GLG1: variants seen among roughly 807,000 people sequenced by gnomAD.
GLG1 encodes Golgi apparatus protein 1.
In GLG1, 38 loss-of-function variants were observed where a neutral mutation model predicts 160.5. That is an observed-to-expected ratio of 0.24 (90% confidence interval 0.18 to 0.31). GLG1 has a LOEUF of 0.31. Among genes scored for constraint, GLG1 ranks in the 10% least tolerant of loss-of-function variants. The pLI is 1.00. For missense variants in GLG1, 1,373 were observed against 1,505.2 expected, an observed-to-expected ratio of 0.91 and a Z score of 1.45; for synonymous variants, 644 against 543.4, an observed-to-expected ratio of 1.19 and a Z score of -2.57.
chr16:74,551,341 G>C (rs192102880), intron 1 of GLG1, among the ~76,000 whole-genome samples: 1 of 152,074 alleles, frequency 6.6e-6, no homozygotes, highest in African/African-American at 2.4e-5. Context: ...GTCACCCAGG[G>C]TGGAGTGCAG....
chr16:74,542,716 G>GGAAGGAAGGGAGGGAGGAA (rs752290157), intron 1 of GLG1, among the ~76,000 whole-genome samples: 3 of 29,784 alleles, frequency 1.0e-4, no homozygotes, highest in African/African-American at 1.3e-4. Context: ...AAGGGAAGAA[G>GGAAGGAAGGGAGGGAGGAA]GGAAGGAAGG....
chr16:74,541,948 C>T (rs1449111737), intron 1 of GLG1, among the ~76,000 whole-genome samples: 1 of 149,520 alleles, frequency 6.7e-6, no homozygotes, highest in Non-Finnish European at 1.5e-5. Flanking sequence ...AATACATCTT[C>T]ATGACTGGGA....
chr16:74,559,036 C>T (rs2018431140), intron 1 of GLG1, among the ~76,000 whole-genome samples: 1 of 152,104 alleles, frequency 6.6e-6, no homozygotes, highest in Admixed American at 6.6e-5. Context: ...AGGTGTATCC[C>T]ACTATGTGTG....
chr16:74,598,970 T>C (rs781300256), intron 1 of GLG1, among the ~76,000 whole-genome samples: 7 of 152,004 alleles, frequency 4.6e-5, no homozygotes, highest in Non-Finnish European at 1.0e-4. Context: ...AAATTTGTTT[T>C]GAACACATTA....
chr16:74,537,861 T>C (rs1030787355), intron 1 of GLG1, among the ~76,000 whole-genome samples: 3 of 151,586 alleles, frequency 2.0e-5, no homozygotes, highest in Non-Finnish European at 4.4e-5. Flanking sequence ...TGAGTCTGAA[T>C]GTTCTCAAAT....
intron 11 of GLG1, among the ~76,000 whole-genome samples, chr16:74,479,629 C>G (rs923914973): frequency 6.6e-6 from 1 of 152,104 alleles, no homozygotes; most frequent in African/African-American, 2.4e-5. Context: ...GTGATACCAT[C>G]TCAACTCTCC....
intron 1 of GLG1, among the ~76,000 whole-genome samples, chr16:74,562,644 G>A (rs552847801): frequency 6.6e-6 from 1 of 152,246 alleles, no homozygotes; most frequent in East Asian, 1.9e-4. Flanking sequence ...ATTTTTAGTA[G>A]AGATGGGGTT....
intron 1 of GLG1, among the ~76,000 whole-genome samples, chr16:74,602,550 G>A (rs895757317): frequency 9.2e-5 from 14 of 152,084 alleles, no homozygotes; most frequent in Admixed American, 6.5e-5. Context: ...TTGGGAGGCC[G>A]AGGCGGGCAG....
intron 1 of GLG1, among the ~76,000 whole-genome samples, chr16:74,542,735 G>GAGGGAGGA (rs2017916789): frequency 4.2e-3 from 121 of 28,650 alleles, no homozygotes; most frequent in Admixed American, 7.1e-3. Flanking sequence ...GGAAGGAAGG[G>GAGGGAGGA]AGGAAGGAAG....
Position 74,453,061 on chromosome 16 carries a change from G to C in GLG1, c.*106C>G, listed in dbSNP as rs1269530399. 1 of 1,523,260 alleles carries C rather than the reference G, an allele frequency of 6.6e-7. No homozygotes were observed. Among genetic ancestry groups the C allele is most frequent in the Non-Finnish European group, 8.8e-7 (1 of 1,135,798 alleles). 94.4% of individuals were successfully genotyped at this position (1,523,260 alleles called of 1,614,324 possible). Reference sequence around the variant, plus strand: ...GGACATCTGCTAATGCTCTAACACGGGGTTGGTGTCACTTCTGAGAAGAGC... The same window carrying C: ...GGACATCTGCTAATGCTCTAACACGCGGTTGGTGTCACTTCTGAGAAGAGC... On this transcript the variant is annotated 3_prime_UTR_variant, in exon 26 of 26. Coordinates refer to ENST00000422840, the MANE Select transcript of GLG1 (RefSeq NM_001145667.2).
At chr16:74,505,837 A>ATGTT (rs1168204774) in intron 3 of GLG1, among the ~76,000 whole-genome samples, 19 of 152,246 alleles carry the variant, frequency 1.2e-4, no homozygotes, top group African/African-American at 3.9e-4. Context: ...CCTGGGCAAC[A>ATGTT]GAGCGAGACT....
chr16:74,494,379 A>G (rs1216382770), intron 6 of GLG1, among the ~76,000 whole-genome samples: 2 of 137,848 alleles, frequency 1.5e-5, no homozygotes, highest in African/African-American at 5.3e-5. Context: ...TATAAGAAAT[A>G]TTGTTTCAGA....
chr16:74,508,330 G>A (rs1374388087), intron 3 of GLG1, among the ~76,000 whole-genome samples: 4 of 144,058 alleles, frequency 2.8e-5, no homozygotes, highest in Admixed American at 7.0e-5. Flanking sequence ...AAAAAAAACC[G>A]TTAAAAAAAA....
chr16:74,543,627 T>C (rs1436714531), intron 1 of GLG1, among the ~76,000 whole-genome samples: 1 of 152,156 alleles, frequency 6.6e-6, no homozygotes, highest in East Asian at 1.9e-4. Context: ...TATACATCAA[T>C]AATTACCACT....
intron 15 of GLG1, among the ~76,000 whole-genome samples, chr16:74,470,275 CCCT>C: frequency 6.6e-6 from 1 of 151,148 alleles, no homozygotes; most frequent in Non-Finnish European, 1.5e-5. Context: ...TTCCCTCCCT[CCCT>C]CCTTCCTTCC....
intron 4 of GLG1, among the ~76,000 whole-genome samples, chr16:74,499,585 A>C (rs753357823): frequency 1.1e-4 from 17 of 152,218 alleles, no homozygotes; most frequent in Admixed American, 3.3e-4. Flanking sequence ...GCTATACTCT[A>C]TGATACTCAC....
chr16:74,472,754 C>G (rs1007788165), intron 13 of GLG1: 2 of 406,152 alleles, frequency 4.9e-6, no homozygotes, highest in African/African-American at 4.2e-5. Flanking sequence ...AAAATGAAAA[C>G]AGGGGTAACT....
At chr16:74,533,146 C>G (rs149755656) in intron 1 of GLG1, among the ~76,000 whole-genome samples, 4,625 of 151,986 alleles carry the variant, frequency 0.03, 151 homozygotes, top group African/African-American at 0.084. Flanking sequence ...CAGTGAAACC[C>G]TGTCCCTACT....
At chr16:74,586,064 GAA>G (rs201949259) in intron 1 of GLG1, among the ~76,000 whole-genome samples, 26 of 120,858 alleles carry the variant, frequency 2.2e-4, no homozygotes, top group Non-Finnish European at 2.6e-4. Flanking sequence ...CTCTGTATCG[GAA>G]AAAAAAAAAA....
Sources: allele counts gnomAD v4.1 joint callset (sites outside exome capture counted in the v4.1 genomes callset), GRCh38; gene constraint gnomAD v4.1.1; transcripts MANE v1.5; gene names NCBI Gene and HGNC (gene_info 2026-07-23, HGNC 2026-07-21).